NCKAP5: variants seen among roughly 807,000 people sequenced by gnomAD.
NCKAP5 encodes nck-associated protein 5.
NCKAP5 carries 92 observed loss-of-function variants against 167.0 expected under a neutral mutation model. The observed-to-expected ratio is 0.55, with a 90% CI of 0.47 to 0.66. NCKAP5 has a LOEUF of 0.66. Ranked by LOEUF, NCKAP5 falls within the 30% of genes least tolerant of loss-of-function variation. The probability of loss-of-function intolerance (pLI) is 0.00; values close to 1 mark genes in which losing one functional copy is unlikely to be tolerated. For missense variants in NCKAP5, 2,378 were observed against 2,315.0 expected, an observed-to-expected ratio of 1.03 and a Z score of -0.56; for synonymous variants, 891 against 877.4, an observed-to-expected ratio of 1.02 and a Z score of -0.27.
chr2:132,896,806 T>C (rs1261042137), intron 8 of NCKAP5, among the ~76,000 whole-genome samples: 1 of 152,200 alleles, frequency 6.6e-6, no homozygotes, highest in East Asian at 1.9e-4. Flanking sequence ...GACCTGGCTT[T>C]TTAGTTGTAG....
chr2:133,567,773 A>T (rs1688673074), intron 1 of NCKAP5, among the ~76,000 whole-genome samples: 1 of 151,742 alleles, frequency 6.6e-6, no homozygotes, highest in South Asian at 2.1e-4. Flanking sequence ...AAATCCATAA[A>T]CCACAGAAAG....
chr2:132,913,535 T>C (rs1694619635), intron 8 of NCKAP5, among the ~76,000 whole-genome samples: 1 of 152,132 alleles, frequency 6.6e-6, no homozygotes, highest in South Asian at 2.1e-4. Flanking sequence ...TCTCAATAAA[T>C]GTTAGCTGTC....
chr2:133,222,764 A>G (rs1296417872), intron 4 of NCKAP5, among the ~76,000 whole-genome samples: 1 of 152,190 alleles, frequency 6.6e-6, no homozygotes, highest in Non-Finnish European at 1.5e-5. Context: ...AAGCATGCCT[A>G]TTATCCCACT....
chr2:133,527,210 G>T (rs1308310854), intron 2 of NCKAP5: 3 of 152,110 alleles, frequency 2.0e-5, no homozygotes, highest in Non-Finnish European at 4.4e-5. Context: ...AACTTGTTAA[G>T]AAAACTGTTT....
intron 2 of NCKAP5, among the ~76,000 whole-genome samples, chr2:133,523,876 T>C (rs142546934): frequency 3.9e-5 from 6 of 152,312 alleles, no homozygotes; most frequent in African/African-American, 1.4e-4. Flanking sequence ...GGCAGCTCCA[T>C]GGGTTTTCAC....
intron 6 of NCKAP5, among the ~76,000 whole-genome samples, chr2:133,045,834 T>C (rs1156599576): frequency 6.6e-6 from 1 of 152,164 alleles, no homozygotes; most frequent in East Asian, 1.9e-4. Context: ...GATGACAAAA[T>C]GCATTTGCGA....
intron 3 of NCKAP5, among the ~76,000 whole-genome samples, chr2:133,383,090 A>C (rs1422817871): frequency 6.6e-6 from 1 of 152,112 alleles, no homozygotes; most frequent in Non-Finnish European, 1.5e-5. Context: ...TTATACTTTA[A>C]GTTCTAGGGT....
chr2:133,547,745 G>C (rs1441563912), intron 2 of NCKAP5, among the ~76,000 whole-genome samples: 2 of 149,150 alleles, frequency 1.3e-5, no homozygotes, highest in African/African-American at 5.0e-5. Context: ...CATCATCAAA[G>C]ACCAAAAGTA....
At chr2:133,172,309 C>T (rs2084281606) in intron 5 of NCKAP5, among the ~76,000 whole-genome samples, 1 of 152,186 alleles carries the variant, frequency 6.6e-6, no homozygotes, top group African/African-American at 2.4e-5. Flanking sequence ...AACCCTAACA[C>T]TCCAAACAGA....
intron 5 of NCKAP5, among the ~76,000 whole-genome samples, chr2:133,140,125 T>G (rs1322133837): frequency 1.3e-5 from 2 of 152,336 alleles, no homozygotes; most frequent in East Asian, 3.9e-4. Flanking sequence ...TGATCACAAT[T>G]AACAGTAGCT....
chr2:132,997,733 G>T (rs113191129), intron 6 of NCKAP5, among the ~76,000 whole-genome samples: 1,724 of 151,920 alleles, frequency 0.011, 31 homozygotes, highest in African/African-American at 0.04. Context: ...AACAACTTTG[G>T]TGGATGAACC....
At chr2:133,480,128 C>T (rs947905514) in intron 3 of NCKAP5, among the ~76,000 whole-genome samples, 11 of 151,896 alleles carry the variant, frequency 7.2e-5, no homozygotes, top group Non-Finnish European at 1.6e-4. Flanking sequence ...GATGGGGTTT[C>T]GCCGTGTTGG....
intron 19 of NCKAP5, among the ~76,000 whole-genome samples, chr2:132,680,628 C>G (rs924233501): frequency 6.6e-6 from 1 of 151,958 alleles, no homozygotes; most frequent in African/African-American, 2.4e-5. Flanking sequence ...CATTTAAACA[C>G]CAGATCAAGA....
chr2:132,768,130 C>G (rs1425433073), intron 16 of NCKAP5, among the ~76,000 whole-genome samples: 1 of 152,198 alleles, frequency 6.6e-6, no homozygotes, highest in East Asian at 1.9e-4. Flanking sequence ...GTTTTCAACT[C>G]TTTTAAGTTG....
intron 5 of NCKAP5, among the ~76,000 whole-genome samples, chr2:133,179,510 G>A (rs772017003): frequency 1.4e-4 from 22 of 152,144 alleles, no homozygotes; most frequent in Non-Finnish European, 2.9e-5. Flanking sequence ...AGATGACAAC[G>A]AGAAGACAGA....
intron 8 of NCKAP5, among the ~76,000 whole-genome samples, chr2:132,936,152 T>G (rs1014834083): frequency 1.3e-4 from 19 of 151,844 alleles, no homozygotes; most frequent in African/African-American, 4.4e-4. Flanking sequence ...CGGCTAATTT[T>G]TGTGTTTTTA....
chr2:133,291,464 A>AG (rs1679594133), intron 4 of NCKAP5, among the ~76,000 whole-genome samples: 1 of 152,182 alleles, frequency 6.6e-6, no homozygotes, highest in African/African-American at 2.4e-5. Context: ...CTGCAACCAA[A>AG]GCAACCCAGG....
At chr2:132,927,724 T>A (rs1478892652) in intron 8 of NCKAP5, among the ~76,000 whole-genome samples, 1 of 152,154 alleles carries the variant, frequency 6.6e-6, no homozygotes. Flanking sequence ...TGATTTTGTA[T>A]CCTGAAACTT....
chr2:133,044,586 G>A (rs1318591073), intron 6 of NCKAP5, among the ~76,000 whole-genome samples: 1 of 152,110 alleles, frequency 6.6e-6, no homozygotes, highest in Non-Finnish European at 1.5e-5. Flanking sequence ...TCAAAACTTG[G>A]CAGGATGTGG....
Sources: allele counts gnomAD v4.1 joint callset (sites outside exome capture counted in the v4.1 genomes callset), GRCh38; gene constraint gnomAD v4.1.1; transcripts MANE v1.5; gene names NCBI Gene and HGNC (gene_info 2026-07-23, HGNC 2026-07-21).